Variants in PLCE1 observed in about 807,000 individuals in gnomAD.
The protein encoded by PLCE1 is 1-phosphatidylinositol 4,5-bisphosphate phosphodiesterase epsilon-1.
A neutral mutation model predicts 242.8 loss-of-function variants in PLCE1; 119 were observed. The observed-to-expected ratio is 0.49, with a 90% confidence interval of 0.42 to 0.57. The LOEUF is 0.57. PLCE1 is among the 20% of genes least tolerant of loss of function. PLCE1 has a pLI of 0.00. For missense variants in PLCE1, 2,441 were observed against 2,788.8 expected (o/e 0.88, Z 2.81); for synonymous variants, 945 against 1,017.4 (o/e 0.93, Z 1.35).
intron 3 of PLCE1, among the ~76,000 whole-genome samples, chr10:94,133,866 C>T (rs2046684353): frequency 6.6e-6 from 1 of 152,040 alleles, no homozygotes; most frequent in Non-Finnish European, 1.5e-5. Context: ...TTTATAGTCT[C>T]TAGGTGGTAA....
intron 1 of PLCE1, among the ~76,000 whole-genome samples, chr10:94,011,424 A>G (rs1243105959): frequency 6.6e-6 from 1 of 152,140 alleles, no homozygotes; most frequent in Non-Finnish European, 1.5e-5. Context: ...TCACATTTCA[A>G]CATGAGATTT....
At chr10:93,999,617 C>G (rs918110404) in intron 1 of PLCE1, among the ~76,000 whole-genome samples, 8 of 152,218 alleles carry the variant, frequency 5.3e-5, no homozygotes, top group African/African-American at 1.9e-4. Context: ...CTGTTGCCAT[C>G]TCCTAGACTG....
At chr10:94,182,112 T>G (rs2048333051) in intron 4 of PLCE1, among the ~76,000 whole-genome samples, 1 of 151,494 alleles carries the variant, frequency 6.6e-6, no homozygotes, top group Admixed American at 6.6e-5. Context: ...TTTTTTTCAT[T>G]TTTTGCTCAT....
intron 2 of PLCE1, among the ~76,000 whole-genome samples, chr10:94,066,069 C>T (rs1297675285): frequency 1.3e-5 from 2 of 152,062 alleles, no homozygotes; most frequent in Non-Finnish European, 2.9e-5. Flanking sequence ...AATCTATACT[C>T]TCAGGGGGAG....
intron 20 of PLCE1, among the ~76,000 whole-genome samples, chr10:94,282,398 T>C (rs2052269711): frequency 6.6e-6 from 1 of 152,144 alleles, no homozygotes; most frequent in Non-Finnish European, 1.5e-5. Context: ...GTGTCTAGTT[T>C]TGAACATACA....
Position 94,177,092 on chromosome 10 carries a change from T to C in PLCE1, c.1809+5596T>C, listed in dbSNP as rs1289159810. Among the ~76,000 whole-genome samples the C allele has an allele frequency of 2.6e-5, 4 of 152,148 alleles. No individual in the cohort carries two copies. In the South Asian group the frequency reaches 8.3e-4, roughly 32 times the overall value. ...CTAGAAGTTTCTATATTCTAACAAC[T>C]CTCTACACAATGACTTAACTGTAAT... On this transcript the variant is annotated intron_variant, in intron 4 of 32. Transcript: ENST00000371380.
chr10:94,268,997 T>G lies in PLCE1; in HGVS notation c.4350T>G (p.Ile1450Met). The change falls in exon 17 of 33, where the codon ATT becomes ATG. Residue 1450 changes from isoleucine to methionine, a missense_variant. This residue lies in a region of PLCE1 where 1,004 missense variants were observed against 1,322.7 expected (regional missense o/e 0.76). Transcript: ENST00000371380. ...CWDGDDGMPI[I>M]YHGHTLTTKI... is the part of the protein sequence containing the mutation. ...ACGGAGACGATGGGATGCCCATCAT[T>G]TATCATGGACATACGCTGACAACCA... The G allele has an allele frequency of 1.2e-6, 2 of 1,611,332 alleles. No individual in the cohort carries two copies. Among genetic ancestry groups the G allele is most frequent in the Non-Finnish European group, 1.7e-6 (2 of 1,177,554 alleles).
chr10:94,181,123 T>C (rs1242790226), intron 4 of PLCE1, among the ~76,000 whole-genome samples: 1 of 152,188 alleles, frequency 6.6e-6, no homozygotes, highest in African/African-American at 2.4e-5. Context: ...TCTTCAACCA[T>C]CTAATGTGAC....
intron 2 of PLCE1, among the ~76,000 whole-genome samples, chr10:94,045,367 C>T (rs937959635): frequency 1.3e-5 from 2 of 152,216 alleles, no homozygotes; most frequent in Non-Finnish European, 1.5e-5. Context: ...AGCTCCTGGC[C>T]TCAAGTGATC....
At chr10:94,324,814 G>A (rs775582066) in intron 31 of PLCE1, 78 bp from the exon 32 acceptor site, 245 of 1,387,502 alleles carry the variant, frequency 1.8e-4, no homozygotes, top group Non-Finnish European at 2.2e-4. Flanking sequence ...AGAGGAAAGC[G>A]CTCTTCTGAA....
At chr10:94,271,343 C>T (rs1389546243) in intron 18 of PLCE1, among the ~76,000 whole-genome samples, 2 of 109,034 alleles carry the variant, frequency 1.8e-5, no homozygotes, top group Non-Finnish European at 3.4e-5. Context: ...GCGATGGAGT[C>T]TCGCTCTGTC....
intron 7 of PLCE1, among the ~76,000 whole-genome samples, chr10:94,242,263 A>G (rs2050531940): frequency 6.6e-6 from 1 of 152,068 alleles, no homozygotes; most frequent in African/African-American, 2.4e-5. Context: ...AATATCATGT[A>G]ACCCCAGATC....
intron 4 of PLCE1, among the ~76,000 whole-genome samples, chr10:94,208,579 T>A (rs193194613): frequency 5.9e-5 from 9 of 152,230 alleles, no homozygotes; most frequent in African/African-American, 2.2e-4. Context: ...TTTAATAAGA[T>A]CCCCATGAAC....
rs2051204883 is a variant in PLCE1 at position 94,259,132 on chromosome 10, G to A, written c.3796G>A (p.Asp1266Asn). 1.2e-5 allele frequency: 19 copies of A among 1,613,934 alleles called. No individual in the cohort carries two copies. The highest frequency in any genetic ancestry group is 2.2e-5 in the South Asian group (2 of 91,078). ...CCTGACAATTGATGAAAACACCAGC[G>A]ATCTTCAGCCTGACCTAGGTTTGTT... ...TNLTIDENTSDLQPDLDLLTR... is the reference protein window; with the variant it reads ...TNLTIDENTSNLQPDLDLLTR... The change falls in exon 13 of 33, where the codon GAT becomes AAT. Residue 1266 changes from aspartate to asparagine, a missense_variant. By Grantham distance (23) the Asp-to-Asn change is conservative. Coordinates refer to ENST00000371380, the MANE Select transcript of PLCE1 (RefSeq NM_016341.4).
chr10:94,107,780 G>C (rs1431484648), intron 2 of PLCE1: 2 of 152,168 alleles, frequency 1.3e-5, no homozygotes, highest in African/African-American at 4.8e-5. Flanking sequence ...GAGCAGAAGA[G>C]AGGACATTCA....
chr10:94,301,118 A>G (rs7897963), intron 24 of PLCE1, among the ~76,000 whole-genome samples: 47,218 of 151,774 alleles, frequency 0.31, 7,415 homozygotes, highest in Middle Eastern at 0.49. Context: ...GCCAAGGTAG[A>G]TGGATCACCT....
At chr10:94,205,846 C>T (rs549657676) in intron 4 of PLCE1, among the ~76,000 whole-genome samples, 1 of 152,320 alleles carries the variant, frequency 6.6e-6, no homozygotes, top group South Asian at 2.1e-4. Flanking sequence ...CACTTTTGGT[C>T]GCTTCTTGAG....
chr10:94,293,013 C>G (rs570857210), intron 22 of PLCE1, among the ~76,000 whole-genome samples: 5 of 152,260 alleles, frequency 3.3e-5, no homozygotes, highest in African/African-American at 1.2e-4. Context: ...TCAGAGTAAC[C>G]ATATGAGTGA....
intron 9 of PLCE1, among the ~76,000 whole-genome samples, chr10:94,252,985 G>A (rs573488667): frequency 4.3e-4 from 66 of 152,296 alleles, no homozygotes; most frequent in African/African-American, 1.5e-3. Flanking sequence ...CACTCTGTGG[G>A]CAAGGAAGGG....
Sources: allele counts gnomAD v4.1 joint callset (sites outside exome capture counted in the v4.1 genomes callset), GRCh38; gene constraint gnomAD v4.1.1; regional missense constraint gnomAD v4.1.1; transcripts MANE v1.5; gene names NCBI Gene and HGNC (gene_info 2026-07-23, HGNC 2026-07-21).